Variants in CSMD1 observed in about 807,000 individuals in gnomAD.
CSMD1 encodes CUB and sushi domain-containing protein 1.
Under a neutral mutation model 417.5 loss-of-function variants are expected in CSMD1, and 213 were observed. The observed-to-expected ratio is 0.51, with a 90% CI of 0.46 to 0.57. The LOEUF is 0.57. Among genes scored for constraint, CSMD1 ranks in the 20% least tolerant of loss-of-function variants. CSMD1 has a pLI of 0.00. For synonymous variants in CSMD1, 2,862 were observed against 1,736.8 expected, an observed-to-expected ratio of 1.65 and a Z score of -16.11; for missense variants, 6,923 against 4,529.7, an observed-to-expected ratio of 1.53 and a Z score of -15.17.
chr8:4,034,216 CATG>C (rs1272630884), intron 3 of CSMD1, among the ~76,000 whole-genome samples: 1 of 151,276 alleles, frequency 6.6e-6, no homozygotes, highest in Non-Finnish European at 1.5e-5. Flanking sequence ...TTTTATTTAT[CATG>C]ATATTACTTA....
At chr8:3,968,541 A>G (rs1305233277) in intron 5 of CSMD1, among the ~76,000 whole-genome samples, 1 of 151,646 alleles carries the variant, frequency 6.6e-6, no homozygotes, top group African/African-American at 2.4e-5. Flanking sequence ...ATTTTTTTTC[A>G]GATTTTCAGA....
At chr8:4,268,048 G>A (rs1049777687) in intron 3 of CSMD1, among the ~76,000 whole-genome samples, 3 of 152,000 alleles carry the variant, frequency 2.0e-5, no homozygotes, top group African/African-American at 7.2e-5. Context: ...TGAAAAGTGT[G>A]TTCACAATTT....
chr8:3,581,122 G>T (rs1055391020), intron 9 of CSMD1, among the ~76,000 whole-genome samples: 1 of 152,036 alleles, frequency 6.6e-6, no homozygotes, highest in African/African-American at 2.4e-5. Context: ...CATTAAAGAA[G>T]TTCTCTACAT....
chr8:4,652,634 G>C (rs1412180181), intron 1 of CSMD1, among the ~76,000 whole-genome samples: 2 of 151,934 alleles, frequency 1.3e-5, no homozygotes, highest in Non-Finnish European at 2.9e-5. Context: ...CCTGGAGACA[G>C]AGAGAGACTC....
At chr8:3,787,721 T>C (rs1037563734) in intron 5 of CSMD1, among the ~76,000 whole-genome samples, 1 of 152,218 alleles carries the variant, frequency 6.6e-6, no homozygotes, top group Non-Finnish European at 1.5e-5. Flanking sequence ...TACATTACAT[T>C]TGTAAGAAAA....
intron 2 of CSMD1, among the ~76,000 whole-genome samples, chr8:4,427,092 G>C (rs4875342): frequency 0.092 from 14,014 of 152,030 alleles, 794 homozygotes; most frequent in Non-Finnish European, 0.12. Context: ...AGGTGGCTGT[G>C]GCTCCTGGGA....
At chr8:4,641,962 G>C (rs1257761755) in intron 1 of CSMD1, among the ~76,000 whole-genome samples, 1 of 152,150 alleles carries the variant, frequency 6.6e-6, no homozygotes, top group African/African-American at 2.4e-5. Context: ...CTAATCTACA[G>C]TTAATGTTGC....
chr8:3,645,287 C>A (rs954076245), intron 7 of CSMD1, among the ~76,000 whole-genome samples: 1 of 152,200 alleles, frequency 6.6e-6, no homozygotes, highest in Admixed American at 6.5e-5. Context: ...AGCCATAACA[C>A]AATGAACACA....
chr8:4,723,472 A>G (rs1004304814), intron 1 of CSMD1, among the ~76,000 whole-genome samples: 4 of 152,198 alleles, frequency 2.6e-5, no homozygotes, highest in Non-Finnish European at 5.9e-5. Flanking sequence ...TCAAGTCACT[A>G]AAGTGTGTTA....
intron 3 of CSMD1, among the ~76,000 whole-genome samples, chr8:4,177,065 C>A (rs1449834198): frequency 6.6e-6 from 1 of 152,198 alleles, no homozygotes; most frequent in Non-Finnish European, 1.5e-5. Context: ...GAACTCATCT[C>A]TGCACCAAGC....
At chr8:3,330,569 G>A (rs1806827437) in intron 23 of CSMD1, among the ~76,000 whole-genome samples, 1 of 152,112 alleles carries the variant, frequency 6.6e-6, no homozygotes, top group African/African-American at 2.4e-5. Flanking sequence ...CACAAAGAAG[G>A]GGATGACAGA....
chr8:3,051,715 A>G (rs1811828300), intron 50 of CSMD1, among the ~76,000 whole-genome samples: 1 of 152,230 alleles, frequency 6.6e-6, no homozygotes, highest in Non-Finnish European at 1.5e-5. Context: ...GAAATGTTAT[A>G]TAGTTTTTAA....
intron 5 of CSMD1, among the ~76,000 whole-genome samples, chr8:3,783,757 C>A (rs770308458): frequency 5.3e-5 from 8 of 152,188 alleles, no homozygotes; most frequent in Non-Finnish European, 1.2e-4. Context: ...TCCCCCTTTG[C>A]ATATAAGGGG....
At chr8:3,073,164 AC>A (rs1813427315) in intron 49 of CSMD1, among the ~76,000 whole-genome samples, 2 of 152,214 alleles carry the variant, frequency 1.3e-5, no homozygotes, top group Non-Finnish European at 2.9e-5. Context: ...GAGGAAAATG[AC>A]TTGAATGCAT....
intron 7 of CSMD1, among the ~76,000 whole-genome samples, chr8:3,686,725 C>T (rs1415749928): frequency 6.6e-6 from 1 of 152,204 alleles, no homozygotes; most frequent in Non-Finnish European, 1.5e-5. Context: ...CTTGGCCTTG[C>T]CACGTTTCAC....
rs952974151 is a variant in CSMD1 at position 4,858,443 on chromosome 8, G to C, written c.85+135889C>G. Among the ~76,000 whole-genome samples the C allele has an allele frequency of 4.0e-5, 6 of 149,992 alleles. No homozygotes were observed. The South Asian group carries it at 6.3e-4, about 16-fold the overall frequency. Reference sequence around the variant, plus strand: ...AATTAGGCAGGAAAAGGAAATAAAGGGTATTCAATTAGGAAAAGAGGAAGT... The same window carrying C: ...AATTAGGCAGGAAAAGGAAATAAAGCGTATTCAATTAGGAAAAGAGGAAGT... On this transcript the variant is annotated intron_variant, in intron 1 of 69. Transcript: ENST00000635120.
chr8:3,498,249 T>C (rs1313703889), intron 10 of CSMD1, among the ~76,000 whole-genome samples: 1 of 152,326 alleles, frequency 6.6e-6, no homozygotes, highest in Non-Finnish European at 1.5e-5. Flanking sequence ...TCTTTGAAGT[T>C]TTTTATTATG....
chr8:4,133,860 C>T (rs987903156), intron 3 of CSMD1, among the ~76,000 whole-genome samples: 3 of 152,214 alleles, frequency 2.0e-5, no homozygotes, highest in Middle Eastern at 3.4e-3. Flanking sequence ...CAGGGTTACA[C>T]ATATAAAGAC....
chr8:4,307,265 G>A (rs867792686), intron 3 of CSMD1, among the ~76,000 whole-genome samples: 1 of 152,016 alleles, frequency 6.6e-6, no homozygotes, highest in African/African-American at 2.4e-5. Context: ...ATGCACAGAG[G>A]GCTGTTGATA....
Sources: gnomAD v4.1 joint callset for allele counts (sites outside exome capture counted in the v4.1 genomes callset) on GRCh38, gnomAD v4.1.1 for gene constraint, MANE v1.5 for transcripts, NCBI Gene and HGNC (gene_info 2026-07-23, HGNC 2026-07-21) for gene names.